The following SLC36A1 variants were observed in gnomAD, a reference collection of about 807,000 sequenced individuals.
SLC36A1 encodes the protein proton-coupled amino acid transporter 1.
In SLC36A1, 30 loss-of-function variants were observed where a neutral mutation model predicts 47.5. The ratio of observed to expected loss-of-function variants is 0.63; its 90% confidence interval spans 0.47 to 0.86. SLC36A1 has a LOEUF of 0.86. SLC36A1 is among the 40% of genes least tolerant of loss of function. SLC36A1 has a pLI of 0.00. For missense variants in SLC36A1, 517 were observed against 606.0 expected (o/e 0.85, Z 1.54); for synonymous variants, 255 against 249.7 (o/e 1.02, Z -0.20).
At chr5:151,400,054 T>C in the SLC36A1 span, among the ~76,000 whole-genome samples, 1 of 152,190 alleles carries the variant, frequency 6.6e-6, no homozygotes, top group African/African-American at 2.4e-5. Context: ...GCAGGTTTGT[T>C]ACATGGGTAT....
chr5:151,478,692 C>T (rs1443923246), intron 9 of SLC36A1, among the ~76,000 whole-genome samples: 1 of 152,232 alleles, frequency 6.6e-6, no homozygotes, highest in African/African-American at 2.4e-5. Flanking sequence ...CCGCGCCCTC[C>T]ACTCTAGTTC....
the SLC36A1 span, among the ~76,000 whole-genome samples, chr5:151,347,925 A>C: frequency 6.6e-4 from 101 of 152,280 alleles, no homozygotes; most frequent in African/African-American, 2.3e-3. Context: ...AAAGTGACAG[A>C]GTTGGAACCT....
At chr5:151,404,903 G>T in the SLC36A1 span, among the ~76,000 whole-genome samples, 1 of 152,136 alleles carries the variant, frequency 6.6e-6, no homozygotes, top group Non-Finnish European at 1.5e-5. Context: ...TCTTGCAGGG[G>T]TTCTCTGAAT....
the SLC36A1 span, among the ~76,000 whole-genome samples, chr5:151,552,105 C>T: frequency 6.6e-6 from 1 of 151,558 alleles, no homozygotes; most frequent in African/African-American, 2.4e-5. Context: ...TTATTTTCTT[C>T]TCTGCATTCA....
chr5:151,549,459 G>A, the SLC36A1 span: 1 of 1,614,142 alleles, frequency 6.2e-7, no homozygotes, highest in Non-Finnish European at 8.5e-7. Flanking sequence ...CACATGAATG[G>A]TCACCCACAC....
At chr5:151,416,807 A>C in the SLC36A1 span, among the ~76,000 whole-genome samples, 15 of 152,228 alleles carry the variant, frequency 9.9e-5, no homozygotes, top group Middle Eastern at 6.3e-3. Context: ...TGTAAACCCC[A>C]AAATCTCCAT....
At chr5:151,403,166 C>A in the SLC36A1 span, among the ~76,000 whole-genome samples, 4 of 152,124 alleles carry the variant, frequency 2.6e-5, no homozygotes, top group Non-Finnish European at 4.4e-5. Context: ...TTCCTCTCAA[C>A]ACTGCTTTTG....
chr5:151,466,345 G>T (rs972766596), intron 5 of SLC36A1, among the ~76,000 whole-genome samples: 1 of 152,210 alleles, frequency 6.6e-6, no homozygotes, highest in Non-Finnish European at 1.5e-5. Context: ...TGCTGTATAA[G>T]TAGAAACATA....
At chr5:151,451,390 A>G (rs1031909940) in intron 1 of SLC36A1, among the ~76,000 whole-genome samples, 2 of 152,060 alleles carry the variant, frequency 1.3e-5, no homozygotes, top group Non-Finnish European at 2.9e-5. Context: ...TAGTAGGAAA[A>G]GCCACTCTGT....
the SLC36A1 span, among the ~76,000 whole-genome samples, chr5:151,523,237 T>G: frequency 6.6e-6 from 1 of 152,188 alleles, no homozygotes; most frequent in African/African-American, 2.4e-5. Context: ...TTAATTATAA[T>G]GTATAGCTAA....
chr5:151,452,939 T>G lies in SLC36A1; in HGVS notation c.-6+5126T>G, dbSNP rs539466969. On this transcript the variant is annotated intron_variant, in intron 1 of 10. Coordinates refer to ENST00000243389, the MANE Select transcript of SLC36A1 (RefSeq NM_078483.4). ...AACATAGGCTGGGCATGGTGACTCATGCCTGTAATCCCAGCACTTTGGGAG... is the reference window on the plus strand; with the variant it reads ...AACATAGGCTGGGCATGGTGACTCAGGCCTGTAATCCCAGCACTTTGGGAG... Among the ~76,000 whole-genome samples the G allele has an allele frequency of 4.0e-5, 6 of 150,478 alleles. No homozygotes were observed. The East Asian group carries it at 1.2e-3, about 29-fold the overall frequency.
the SLC36A1 span, among the ~76,000 whole-genome samples, chr5:151,534,970 A>ATATATATATATAT: frequency 7.1e-4 from 76 of 106,382 alleles, 2 homozygotes; most frequent in Non-Finnish European, 1.2e-3. Flanking sequence ...CTTCTAGGAA[A>ATATATATATATAT]ATATATATAT....
At chr5:151,478,642 A>G (rs749515064) in intron 9 of SLC36A1, among the ~76,000 whole-genome samples, 5 of 152,218 alleles carry the variant, frequency 3.3e-5, no homozygotes, top group Non-Finnish European at 7.3e-5. Context: ...GCAAAGATTG[A>G]GATTTTCAAA....
the SLC36A1 span, among the ~76,000 whole-genome samples, chr5:151,546,566 A>G: frequency 1.3e-5 from 2 of 152,174 alleles, no homozygotes; most frequent in African/African-American, 4.8e-5. Context: ...AGTTTCTGGG[A>G]CACAACTTAA....
chr5:151,375,661 T>A, the SLC36A1 span, among the ~76,000 whole-genome samples: 608 of 152,220 alleles, frequency 4.0e-3, 2 homozygotes, highest in African/African-American at 0.014. Flanking sequence ...GGCAGTATAG[T>A]CATTTTAACA....
the SLC36A1 span, chr5:151,540,736 A>G: frequency 6.2e-7 from 1 of 1,614,084 alleles, no homozygotes; most frequent in Non-Finnish European, 8.5e-7. Flanking sequence ...AACTTGGCTG[A>G]TGCCAAACTG....
intron 1 of SLC36A1, among the ~76,000 whole-genome samples, chr5:151,438,424 C>G (rs1759905805): frequency 6.6e-6 from 1 of 151,972 alleles, no homozygotes; most frequent in Admixed American, 6.6e-5. Flanking sequence ...CTCAGGTGCT[C>G]TAGCTACCTT....
At chr5:151,531,707 C>T in the SLC36A1 span, 2 of 1,613,840 alleles carry the variant, frequency 1.2e-6, no homozygotes, top group Non-Finnish European at 1.7e-6. This position sits in a 1 kb window ranked among gnomAD's most constrained non-coding sequence, Gnocchi z 5.7. Context: ...CCAGGTGGGG[C>T]GTCCTCGGGC....
intron 1 of SLC36A1, among the ~76,000 whole-genome samples, chr5:151,438,712 C>T (rs907023375): frequency 6.6e-6 from 1 of 152,174 alleles, no homozygotes; most frequent in South Asian, 2.1e-4. Flanking sequence ...CTGCAGGTCT[C>T]TGTCACTGCA....
Sources: allele counts gnomAD v4.1 joint callset (sites outside exome capture counted in the v4.1 genomes callset), GRCh38; gene constraint gnomAD v4.1.1; non-coding constraint Gnocchi (gnomAD v3.1); transcripts MANE v1.5; gene names NCBI Gene and HGNC (gene_info 2026-07-23, HGNC 2026-07-21).